The following ZDHHC17 variants were observed in gnomAD, a reference collection of about 807,000 sequenced individuals.
The protein encoded by ZDHHC17 is palmitoyltransferase ZDHHC17.
Under a neutral mutation model 90.3 loss-of-function variants are expected in ZDHHC17, and 40 were observed. The ratio of observed to expected loss-of-function variants is 0.44; its 90% CI spans 0.34 to 0.58. ZDHHC17 has a LOEUF of 0.58. Among genes scored for constraint, ZDHHC17 ranks in the 20% least tolerant of loss-of-function variants. The probability of loss-of-function intolerance (pLI) is 0.01; values close to 1 mark genes in which losing one functional copy is unlikely to be tolerated. For synonymous variants in ZDHHC17, 235 were observed against 252.4 expected (o/e 0.93, Z 0.65); for missense variants, 614 against 780.8 (o/e 0.79, Z 2.55).
intron 15 of ZDHHC17, 48 bp from the exon 16 acceptor site, chr12:76,849,323 CAAAAA>C (rs34062414): frequency 1.5e-4 from 70 of 454,606 alleles, no homozygotes; most frequent in South Asian, 4.0e-4. Context: ...GGTCCTGTCT[CAAAAA>C]AAAAAAAAAA....
At chr12:76,807,710 A>G (rs1952971321) in intron 3 of ZDHHC17, among the ~76,000 whole-genome samples, 1 of 152,182 alleles carries the variant, frequency 6.6e-6, no homozygotes, top group African/African-American at 2.4e-5. Context: ...ACTGACATGG[A>G]CCTAGTGATG....
intron 1 of ZDHHC17, among the ~76,000 whole-genome samples, chr12:76,769,673 A>G (rs371228634): frequency 1.2e-4 from 19 of 152,276 alleles, no homozygotes; most frequent in East Asian, 1.2e-3. Flanking sequence ...TTAAAATACT[A>G]TATATTAAGC....
At chr12:76,786,465 A>G (rs902429776) in intron 1 of ZDHHC17, among the ~76,000 whole-genome samples, 2 of 152,056 alleles carry the variant, frequency 1.3e-5, no homozygotes, top group African/African-American at 2.4e-5. Context: ...CATGTTGGTC[A>G]CACTGGTCTT....
chr12:76,771,676 A>T (rs1952493922), intron 1 of ZDHHC17, among the ~76,000 whole-genome samples: 2 of 152,204 alleles, frequency 1.3e-5, no homozygotes, highest in South Asian at 4.1e-4. Context: ...ATGAATACTC[A>T]TTAATTTTTG....
chr12:76,799,260 A>T (rs540598060), intron 2 of ZDHHC17, among the ~76,000 whole-genome samples: 1 of 152,348 alleles, frequency 6.6e-6, no homozygotes, highest in East Asian at 1.9e-4. Flanking sequence ...TACTTCAAGA[A>T]GAAAGCATAA....
Position 76,806,603 on chromosome 12 carries a change from G to A in ZDHHC17, c.320+1164G>A, listed in dbSNP as rs184633091. Among the ~76,000 whole-genome samples the A allele has an allele frequency of 6.6e-5, 10 of 152,214 alleles. No individual in the cohort carries two copies. In the East Asian group the frequency reaches 1.5e-3, roughly 24 times the overall value. On this transcript the variant is annotated intron_variant, in intron 3 of 16. Coordinates refer to ENST00000426126, the MANE Select transcript of ZDHHC17 (RefSeq NM_015336.4). ...TTCATCAGGCTGGTCTCGAACTCCC[G>A]CCCTCAGGTGATCCACCCGCCTCGG...
Position 76,797,941 on chromosome 12 carries a change from C to CCACACACACACACA in ZDHHC17, c.197+428_197+441dup, listed in dbSNP as rs60610921. On this transcript the variant is annotated intron_variant, in intron 2 of 16. Coordinates refer to ENST00000426126, the MANE Select transcript of ZDHHC17 (RefSeq NM_015336.4). ...CCTAGGCAACAAGAGTGAAACTCTG[C>CCACACACACACACA]CACACACACACACACACACACACAC... Among the ~76,000 whole-genome samples the CCACACACACACACA allele has an allele frequency of 4.7e-3, 700 of 147,578 alleles. 2 individuals are homozygous for CCACACACACACACA. The highest frequency in any genetic ancestry group is 7.6e-3 in the Non-Finnish European group (506 of 66,742).
At chr12:76,809,164 A>G in intron 4 of ZDHHC17, 44 bp downstream of exon 4, 1 of 1,386,248 alleles carries the variant, frequency 7.2e-7, no homozygotes, top group Non-Finnish European at 9.7e-7. Flanking sequence ...TTCCTTTATT[A>G]GTATATAAAT....
intron 5 of ZDHHC17, among the ~76,000 whole-genome samples, chr12:76,810,077 A>G (rs1254244005): frequency 3.3e-5 from 5 of 152,168 alleles, no homozygotes; most frequent in Non-Finnish European, 7.4e-5. Context: ...TGGGTTTTTT[A>G]TTTCTAAGAG....
Position 76,849,357 on chromosome 12 carries a change from G to A in ZDHHC17, c.1666-19G>A. 1 of 931,292 alleles carries A rather than the reference G, an allele frequency of 1.1e-6. No homozygotes were observed. Among genetic ancestry groups the A allele is most frequent in the Non-Finnish European group, 1.6e-6 (1 of 634,632 alleles). 57.7% of individuals were successfully genotyped at this position (931,292 alleles called of 1,614,324 possible). ...AAAAAAAAAACAAGAATAATGGTTTGCTTTTTCTTTCCTCTTAGATATCAT... is the reference window on the plus strand; with the variant it reads ...AAAAAAAAAACAAGAATAATGGTTTACTTTTTCTTTCCTCTTAGATATCAT... On this transcript the variant is annotated intron_variant, in intron 15 of 16. Coordinates refer to ENST00000426126, the MANE Select transcript of ZDHHC17 (RefSeq NM_015336.4).
At chr12:76,840,858 T>C (rs1213996150) in intron 10 of ZDHHC17, 1 of 152,208 alleles carries the variant, frequency 6.6e-6, no homozygotes, top group African/African-American at 2.4e-5. Flanking sequence ...AGAGTTTGAC[T>C]TATTTATTTA....
At position 76,828,860 on chromosome 12, in the gene ZDHHC17, T is replaced by C. The variant is rs569603054; in HGVS notation, c.1141+370T>C. Among the ~76,000 whole-genome samples the C allele has an allele frequency of 2.6e-5, 4 of 152,238 alleles. No individual in the cohort carries two copies. The East Asian group carries it at 7.7e-4, about 29-fold the overall frequency. On this transcript the variant is annotated intron_variant, in intron 10 of 16. Coordinates refer to ENST00000426126, the MANE Select transcript of ZDHHC17 (RefSeq NM_015336.4). Reference sequence around the variant, plus strand: ...TACATGTGAAGGTTTGTTGTAGGGATATATTGTGTAATGGAGAAAAGAACA... The same window carrying C: ...TACATGTGAAGGTTTGTTGTAGGGACATATTGTGTAATGGAGAAAAGAACA...
chr12:76,793,932 C>T (rs191984765), intron 1 of ZDHHC17, among the ~76,000 whole-genome samples: 2 of 152,228 alleles, frequency 1.3e-5, no homozygotes, highest in African/African-American at 4.8e-5. Context: ...GTTGCCCAGG[C>T]TGGAGCACAG....
intron 7 of ZDHHC17, among the ~76,000 whole-genome samples, chr12:76,816,418 A>AT (rs2137771044): frequency 6.6e-6 from 1 of 152,122 alleles, no homozygotes; most frequent in African/African-American, 2.4e-5. Flanking sequence ...AATTTTGGTT[A>AT]TTTCTTTTCA....
chr12:76,835,072 T>C (rs80204276), intron 10 of ZDHHC17, among the ~76,000 whole-genome samples: 3 of 120,158 alleles, frequency 2.5e-5, no homozygotes, highest in East Asian at 5.0e-4. Flanking sequence ...TTTTTTTTTT[T>C]GGCAGTCTTG....
chr12:76,847,866 A>G (rs1483399167), intron 14 of ZDHHC17, among the ~76,000 whole-genome samples: 1 of 152,192 alleles, frequency 6.6e-6, no homozygotes, highest in East Asian at 1.9e-4. Context: ...TGGAAAAAAA[A>G]GCTCATGTCA....
intron 8 of ZDHHC17, among the ~76,000 whole-genome samples, chr12:76,824,572 T>A (rs1953207959): frequency 1.3e-5 from 2 of 152,064 alleles, no homozygotes; most frequent in South Asian, 4.1e-4. Context: ...AAGAAAGTAG[T>A]GACACCTAAG....
chr12:76,770,246 A>C (rs981471127), intron 1 of ZDHHC17, among the ~76,000 whole-genome samples: 1 of 152,230 alleles, frequency 6.6e-6, no homozygotes, highest in African/African-American at 2.4e-5. Context: ...ATTGATAAAC[A>C]ATTGTAGTAT....
At chr12:76,784,378 G>T (rs913190487) in intron 1 of ZDHHC17, among the ~76,000 whole-genome samples, 4 of 152,184 alleles carry the variant, frequency 2.6e-5, no homozygotes, top group African/African-American at 9.7e-5. Flanking sequence ...TGAAGCTCGG[G>T]TAGAAGATGG....
Sources: allele counts gnomAD v4.1 joint callset (sites outside exome capture counted in the v4.1 genomes callset), GRCh38; gene constraint gnomAD v4.1.1; transcripts MANE v1.5; gene names NCBI Gene and HGNC (gene_info 2026-07-23, HGNC 2026-07-21).